The following PRRC2C variants were observed in gnomAD, a reference collection of about 807,000 sequenced individuals.
PRRC2C encodes the protein proline rich coiled-coil 2C.
A neutral mutation model predicts 317.2 loss-of-function variants in PRRC2C; 72 were observed. That is an observed-to-expected ratio of 0.23 (90% CI 0.19 to 0.28). The LOEUF (loss-of-function observed/expected upper bound fraction) is 0.28, where lower values mean the gene tolerates loss of function less well. PRRC2C is among the 10% of genes least tolerant of loss of function. PRRC2C has a pLI of 1.00. For synonymous variants in PRRC2C, 1,296 were observed against 1,205.9 expected, an observed-to-expected ratio of 1.07 and a Z score of -1.55; for missense variants, 3,074 against 3,459.7, an observed-to-expected ratio of 0.89 and a Z score of 2.80.
chr1:171,537,886 T>G (rs1220493522), intron 15 of PRRC2C, among the ~76,000 whole-genome samples: 7 of 151,706 alleles, frequency 4.6e-5, no homozygotes, highest in Non-Finnish European at 8.8e-5. Context: ...TTGTGGGGTT[T>G]TTTGTTTTGT....
intron 22 of PRRC2C, 126 bp from the exon 23 acceptor site, chr1:171,568,121 G>T (rs1420312196): frequency 2.3e-6 from 3 of 1,299,176 alleles, no homozygotes; most frequent in Non-Finnish European, 3.0e-6. Flanking sequence ...GAAGGCAGAG[G>T]TTGCAGTGAG....
rs1472288217 is a variant in PRRC2C at position 171,557,153 on chromosome 1, G to A, written c.5128-87G>A. The A allele has an allele frequency of 5.5e-6, 8 of 1,455,460 alleles. No individual in the cohort carries two copies. The African/African-American group carries it at 1.1e-4, about 21-fold the overall frequency. 90.2% of individuals were successfully genotyped at this position (1,455,460 alleles called of 1,614,324 possible). A position where few individuals can be genotyped will look rare whatever the true frequency, so the allele number is the denominator to read the frequency against. On this transcript the variant is annotated intron_variant, in intron 18 of 34. Transcript: ENST00000647382. ...CTATTTTGAAAAGTAAAGGAGCCAA[G>A]TTAGTGGGAGTTGTTAAAAGTTGCA...
At chr1:171,534,255 T>G (rs1413019841) in intron 12 of PRRC2C, among the ~76,000 whole-genome samples, 1 of 152,130 alleles carries the variant, frequency 6.6e-6, no homozygotes, top group African/African-American at 2.4e-5. Context: ...AGAGAGACTT[T>G]GCTATTGAAT....
chr1:171,532,983 T>A, intron 12 of PRRC2C, 22 bp downstream of exon 12: 1 of 1,512,112 alleles, frequency 6.6e-7, no homozygotes, highest in Non-Finnish European at 8.8e-7. Context: ...TTCTTCATTC[T>A]CTTTTAAAAA....
rs771191046 is a variant in PRRC2C at position 171,558,017 on chromosome 1, A to G, written c.5905A>G (p.Asn1969Asp). Residue 1969 changes from asparagine to aspartate, a missense_variant, in exon 19 of 35, where the codon AAT (asparagine) becomes GAT (aspartate). This residue lies in a region of PRRC2C where 640 missense variants were observed against 676.1 expected (regional missense o/e 0.95). Coordinates refer to ENST00000647382, the MANE Select transcript of PRRC2C (RefSeq NM_001387844.1). ...SIRLPSAQTP[N>D]GTDYVASGKS... is the part of the protein sequence containing the mutation. ...TAGGCTGCCTTCAGCTCAAACACCTAATGGCACAGATTATGTAGCCTCAGG... is the reference window on the plus strand; with the variant it reads ...TAGGCTGCCTTCAGCTCAAACACCTGATGGCACAGATTATGTAGCCTCAGG... The G allele has an allele frequency of 5.9e-5, 95 of 1,613,848 alleles. No individual in the cohort carries two copies. The highest frequency in any genetic ancestry group is 5.3e-5 in the Non-Finnish European group (62 of 1,179,906).
intron 1 of PRRC2C, among the ~76,000 whole-genome samples, chr1:171,496,082 T>A (rs187640581): frequency 4.0e-5 from 6 of 151,550 alleles, no homozygotes; most frequent in African/African-American, 1.2e-4. Context: ...CAAGGCCCCA[T>A]CTCCAAATAT....
chr1:171,524,672 AG>A, intron 9 of PRRC2C, 148 bp from the exon 10 acceptor site: 1 of 704,574 alleles, frequency 1.4e-6, no homozygotes, highest in Non-Finnish European at 2.2e-6. Flanking sequence ...AGAACAAATT[AG>A]CACTAATGGG....
chr1:171,536,974 A>G (rs537534105), intron 14 of PRRC2C, among the ~76,000 whole-genome samples: 2 of 152,138 alleles, frequency 1.3e-5, no homozygotes, highest in Non-Finnish European at 2.9e-5. Context: ...TCTGATTTTT[A>G]TATGCATAAT....
chr1:171,569,742 TTTAA>T (rs1172880128), intron 23 of PRRC2C, among the ~76,000 whole-genome samples: 2 of 151,092 alleles, frequency 1.3e-5, no homozygotes, highest in South Asian at 2.1e-4. Flanking sequence ...CTCAATAAAG[TTTAA>T]TTATACTTTG....
rs550681724 is a variant in PRRC2C at position 171,488,323 on chromosome 1, T to G, written c.-58+2588T>G. ...AATCGTGATTTTGTCACCTTATGAA[T>G]AGGACAACACAATGAAAGCTTATCT... On this transcript the variant is annotated intron_variant, in intron 1 of 34. Coordinates refer to ENST00000647382, the MANE Select transcript of PRRC2C (RefSeq NM_001387844.1). Among the ~76,000 whole-genome samples, 12 of 152,354 alleles carry G rather than the reference T, an allele frequency of 7.9e-5. No individual in the cohort carries two copies. The East Asian group carries it at 2.3e-3, about 29-fold the overall frequency.
At position 171,523,222 on chromosome 1, in the gene PRRC2C, G is replaced by A. The variant is rs1423629900; in HGVS notation, c.835G>A (p.Gly279Ser). The change falls in exon 8 of 35, where the codon GGC (glycine) becomes AGC (serine). Residue 279 changes from glycine (G) to serine (S), a missense_variant and splice_region_variant. Physicochemically the swap from Gly to Ser is moderately conservative, Grantham distance 56 (BLOSUM62 0). Around this residue, in one of 11 missense-constraint regions of PRRC2C, gnomAD observed 50 missense variants for 88.3 expected, o/e 0.57. Coordinates refer to ENST00000647382, the MANE Select transcript of PRRC2C (RefSeq NM_001387844.1). The part of the protein sequence containing the change: ...FPPSLSETNK[G>S]LRGRGPPPSW... ...TTTCCATGACCTGCCTTTCATTAGA[G>A]GCCTTCGAGGAAGAGGCCCACCTCC... The A allele has an allele frequency of 3.1e-6, 5 of 1,607,374 alleles. No homozygotes were observed. In the South Asian group the frequency reaches 5.5e-5, roughly 18 times the overall value.
intron 3 of PRRC2C, 140 bp downstream of exon 3, chr1:171,513,312 A>G (rs989548686): frequency 8.9e-6 from 9 of 1,008,084 alleles, no homozygotes; most frequent in Middle Eastern, 2.1e-4. Context: ...TCTTTTGACT[A>G]TAGTAACTTT....
chr1:171,580,263 A>G (rs1648220115), intron 28 of PRRC2C, among the ~76,000 whole-genome samples: 2 of 152,246 alleles, frequency 1.3e-5, no homozygotes, highest in South Asian at 4.1e-4. Context: ...TATGTGTGCC[A>G]TCTGGCTACC....
At chr1:171,528,857 G>T (rs1286749480) in intron 11 of PRRC2C, among the ~76,000 whole-genome samples, 1 of 151,982 alleles carries the variant, frequency 6.6e-6, no homozygotes, top group Non-Finnish European at 1.5e-5. Flanking sequence ...TGTGGCCCAG[G>T]CTGGAGTGCA....
At chr1:171,578,496 T>G (rs1572113341) in intron 26 of PRRC2C, among the ~76,000 whole-genome samples, 1 of 152,194 alleles carries the variant, frequency 6.6e-6, no homozygotes, top group Admixed American at 6.5e-5. Context: ...ATCATGCCAC[T>G]GCACTCCAGC....
chr1:171,591,389 T>TTTTTTA, intron 34 of PRRC2C, 198 bp from the exon 35 acceptor site: 1 of 594,944 alleles, frequency 1.7e-6, no homozygotes, highest in Non-Finnish European at 2.5e-6. Context: ...TTTTTTTTTT[T>TTTTTTA]AAATCACATG....
At chr1:171,569,217 A>G (rs1301460356) in intron 23 of PRRC2C, among the ~76,000 whole-genome samples, 1 of 152,062 alleles carries the variant, frequency 6.6e-6, no homozygotes. Flanking sequence ...AATGTTGATC[A>G]TCCTTTTTTT....
chr1:171,494,284 A>G (rs1048392781), intron 1 of PRRC2C, among the ~76,000 whole-genome samples: 9 of 152,196 alleles, frequency 5.9e-5, no homozygotes, highest in Non-Finnish European at 4.4e-5. Flanking sequence ...CACATGTTTC[A>G]GTTTCCAGGA....
intron 32 of PRRC2C, among the ~76,000 whole-genome samples, chr1:171,588,037 A>G (rs190037604): frequency 5.3e-5 from 8 of 152,168 alleles, no homozygotes; most frequent in Admixed American, 5.2e-4. Context: ...CAGTGCCATG[A>G]TTATAGCTCA....
Sources: allele counts gnomAD v4.1 joint callset (sites outside exome capture counted in the v4.1 genomes callset), GRCh38; gene constraint gnomAD v4.1.1; regional missense constraint gnomAD v4.1.1; transcripts MANE v1.5; gene names NCBI Gene and HGNC (gene_info 2026-07-23, HGNC 2026-07-21).